The following GABRB2 variants were observed in gnomAD, a reference collection of about 807,000 sequenced individuals.
GABRB2 encodes gamma-aminobutyric acid type A receptor subunit beta2.
In GABRB2, 16 loss-of-function variants were observed where a neutral mutation model predicts 54.7. The ratio of observed to expected loss-of-function variants is 0.29; its 90% CI spans 0.20 to 0.44. GABRB2 has a LOEUF of 0.44. GABRB2 is among the 20% of genes least tolerant of loss of function. The probability of loss-of-function intolerance (pLI) is 1.00; values close to 1 mark genes in which losing one functional copy is unlikely to be tolerated. For missense variants in GABRB2, 355 were observed against 644.0 expected (o/e 0.55, Z 4.86); for synonymous variants, 244 against 233.8 (o/e 1.04, Z -0.40).
chr5:161,491,802 G>A (rs1451191587), intron 3 of GABRB2, among the ~76,000 whole-genome samples: 1 of 151,640 alleles, frequency 6.6e-6, no homozygotes, highest in African/African-American at 2.4e-5. Context: ...ATTCTGAATT[G>A]CAAACACACT....
At chr5:161,468,189 C>A (rs181815684) in intron 3 of GABRB2, among the ~76,000 whole-genome samples, 1 of 152,190 alleles carries the variant, frequency 6.6e-6, no homozygotes, top group Non-Finnish European at 1.5e-5. Context: ...TAAAGCAAAT[C>A]ATGTCTTTTC....
chr5:161,443,011 C>T (rs897197287), intron 4 of GABRB2, among the ~76,000 whole-genome samples: 3 of 152,032 alleles, frequency 2.0e-5, no homozygotes, highest in East Asian at 1.9e-4. Flanking sequence ...GAAGTAAATG[C>T]TATCTACAGA....
chr5:161,543,051 C>T (rs1052237883), intron 3 of GABRB2, among the ~76,000 whole-genome samples: 4 of 152,248 alleles, frequency 2.6e-5, no homozygotes, highest in Non-Finnish European at 5.9e-5. Flanking sequence ...GACAATCTAG[C>T]TGGACAAATC....
chr5:161,518,915 AT>A (rs1300127424), intron 3 of GABRB2, among the ~76,000 whole-genome samples: 1 of 152,202 alleles, frequency 6.6e-6, no homozygotes, highest in Non-Finnish European at 1.5e-5. Flanking sequence ...AGTGGAATTT[AT>A]TAGCTTTTAA....
chr5:161,397,353 C>T (rs946351169), intron 5 of GABRB2, among the ~76,000 whole-genome samples: 2 of 152,128 alleles, frequency 1.3e-5, no homozygotes, highest in African/African-American at 4.8e-5. Flanking sequence ...TTCTGTCCAC[C>T]AACCTTTACC....
intron 5 of GABRB2, among the ~76,000 whole-genome samples, chr5:161,339,178 T>C (rs1279445538): frequency 6.6e-6 from 1 of 152,138 alleles, no homozygotes; most frequent in Admixed American, 6.6e-5. Flanking sequence ...AGAAATGCAC[T>C]GTAAAATTTT....
At chr5:161,395,602 CT>C (rs1364392891) in intron 5 of GABRB2, among the ~76,000 whole-genome samples, 1 of 151,982 alleles carries the variant, frequency 6.6e-6, no homozygotes, top group Non-Finnish European at 1.5e-5. Flanking sequence ...GTTACAGGTA[CT>C]TTGAGAGAGG....
chr5:161,546,100 C>T (rs868677145), intron 2 of GABRB2, among the ~76,000 whole-genome samples: 5 of 152,306 alleles, frequency 3.3e-5, no homozygotes, highest in Middle Eastern at 3.4e-3. Flanking sequence ...ACAGCAGTCA[C>T]CAAATTTGAG....
intron 5 of GABRB2, among the ~76,000 whole-genome samples, chr5:161,367,270 G>A (rs992185271): frequency 1.3e-4 from 20 of 152,102 alleles, no homozygotes; most frequent in Non-Finnish European, 2.9e-4. Flanking sequence ...TTCTGCATGT[G>A]ATTTAAAAAA....
At chr5:161,455,781 C>T (rs55739041) in intron 4 of GABRB2, among the ~76,000 whole-genome samples, 3 of 152,158 alleles carry the variant, frequency 2.0e-5, no homozygotes, top group Non-Finnish European at 4.4e-5. Flanking sequence ...AATCTGCCCA[C>T]CTCAGCCTCC....
intron 5 of GABRB2, among the ~76,000 whole-genome samples, chr5:161,405,731 A>G (rs1395607657): frequency 6.6e-6 from 1 of 152,122 alleles, no homozygotes. Flanking sequence ...ATTTATGTTT[A>G]CTGAAATATT....
At chr5:161,403,920 A>T (rs1462472409) in intron 5 of GABRB2, among the ~76,000 whole-genome samples, 1 of 152,198 alleles carries the variant, frequency 6.6e-6, no homozygotes, top group Non-Finnish European at 1.5e-5. Flanking sequence ...ACATTAAAAG[A>T]GGACATTAAA....
chr5:161,521,802 A>T (rs1760124325), intron 3 of GABRB2, among the ~76,000 whole-genome samples: 1 of 151,918 alleles, frequency 6.6e-6, no homozygotes, highest in African/African-American at 2.4e-5. Flanking sequence ...TACCTGAACA[A>T]GTTTGTAATG....
At chr5:161,437,108 C>T (rs2113196320) in intron 4 of GABRB2, among the ~76,000 whole-genome samples, 1 of 152,190 alleles carries the variant, frequency 6.6e-6, no homozygotes, top group Admixed American at 6.5e-5. Context: ...GATTTAGGCC[C>T]AGAGACAGTG....
chr5:161,387,213 A>T (rs1020108744), intron 5 of GABRB2, among the ~76,000 whole-genome samples: 32 of 152,004 alleles, frequency 2.1e-4, no homozygotes, highest in Non-Finnish European at 4.3e-4. Flanking sequence ...TGAATGACTG[A>T]CTTCACCCTT....
intron 4 of GABRB2, among the ~76,000 whole-genome samples, chr5:161,454,422 A>T (rs1757887367): frequency 6.6e-6 from 1 of 152,108 alleles, no homozygotes; most frequent in South Asian, 2.1e-4. Context: ...CATTCTAGAC[A>T]TGCCTGGCCT....
rs1354458709 is a variant in GABRB2 at position 161,294,313 on chromosome 5, G to T, written c.1307C>A (p.Ala436Asp). Residue 436 changes from alanine to aspartate, a missense_variant, in exon 10 of 10, where the codon GCC becomes GAC. Ala to Asp is a moderately radical substitution (Grantham distance 126). Coordinates refer to ENST00000393959, the MANE Select transcript of GABRB2 (RefSeq NM_001371727.1). ...AGCTTTCCGATACTGGATGCTGGAG[G>T]CATCATAGGCTAGCATTGTGCTTCT... The part of the protein sequence containing the change: ...DPRSTMLAYD[A>D]SSIQYRKAGL... 3 of 1,614,130 alleles carry T rather than the reference G, an allele frequency of 1.9e-6. No individual in the cohort carries two copies. In the East Asian group the frequency reaches 6.7e-5, roughly 36 times the overall value.
chr5:161,459,107 T>C (rs1758048712), intron 4 of GABRB2: 2 of 156,634 alleles, frequency 1.3e-5, no homozygotes, highest in Admixed American at 6.2e-5. Context: ...TTTCCTGACA[T>C]AGAGGTATAT....
At chr5:161,314,130 C>T (rs944994130) in intron 9 of GABRB2, among the ~76,000 whole-genome samples, 1 of 152,170 alleles carries the variant, frequency 6.6e-6, no homozygotes, top group African/African-American at 2.4e-5. Flanking sequence ...TCCTGGATCA[C>T]GGGCTAAGGA....
Sources: gnomAD v4.1 joint callset for allele counts (sites outside exome capture counted in the v4.1 genomes callset) on GRCh38, gnomAD v4.1.1 for gene constraint, MANE v1.5 for transcripts, NCBI Gene and HGNC (gene_info 2026-07-23, HGNC 2026-07-21) for gene names.